The following TSPAN5 variants were observed in gnomAD, a reference collection of about 807,000 sequenced individuals.
The protein encoded by TSPAN5 is tetraspanin-5.
Under a neutral mutation model 37.1 loss-of-function variants are expected in TSPAN5, and 10 were observed. The observed-to-expected ratio is 0.27, with a 90% CI of 0.17 to 0.46. The LOEUF (loss-of-function observed/expected upper bound fraction) is 0.46. Among genes scored for constraint, TSPAN5 ranks in the 20% least tolerant of loss-of-function variants. The pLI is 1.00. For missense variants in TSPAN5, 195 were observed against 326.6 expected, an observed-to-expected ratio of 0.60 and a Z score of 3.11; for synonymous variants, 110 against 118.9, an observed-to-expected ratio of 0.93 and a Z score of 0.48.
intron 1 of TSPAN5, among the ~76,000 whole-genome samples, chr4:98,549,149 C>G (rs527613870): frequency 6.6e-6 from 1 of 152,134 alleles, no homozygotes; most frequent in Non-Finnish European, 1.5e-5. Context: ...GTTGTACTAA[C>G]GTATATTCCC....
intron 2 of TSPAN5, among the ~76,000 whole-genome samples, chr4:98,494,597 G>A (rs1753158179): frequency 6.6e-6 from 1 of 151,950 alleles, no homozygotes; most frequent in East Asian, 2.0e-4. Flanking sequence ...ACGATGTGAA[G>A]TGCTTCGAAT....
At chr4:98,515,490 T>C (rs551077324) in intron 1 of TSPAN5, among the ~76,000 whole-genome samples, 1 of 151,674 alleles carries the variant, frequency 6.6e-6, no homozygotes, top group African/African-American at 2.4e-5. Flanking sequence ...CAAGAAAATA[T>C]ACTAGTTCAC....
chr4:98,476,179 C>G lies in TSPAN5; in HGVS notation c.741+10G>C, dbSNP rs373344807. 494 of 1,605,418 alleles carry G rather than the reference C, an allele frequency of 3.1e-4. No individual in the cohort carries two copies. Among genetic ancestry groups the G allele is most frequent in the Non-Finnish European group, 4.1e-4 (481 of 1,172,256 alleles). ...TTCCCTGTGATATCCATAAAGGACC[C>G]TTATCTTACCTGCAGCAATGCAATG... On this transcript the variant is annotated intron_variant, in intron 7 of 7. Coordinates refer to ENST00000305798, the MANE Select transcript of TSPAN5 (RefSeq NM_005723.4).
chr4:98,561,125 G>A (rs1026381507), intron 1 of TSPAN5, among the ~76,000 whole-genome samples: 1 of 152,202 alleles, frequency 6.6e-6, no homozygotes, highest in Non-Finnish European at 1.5e-5. Context: ...GAAGTGGTAG[G>A]TGTCACTTCT....
At chr4:98,567,578 C>T (rs1166054247) in intron 1 of TSPAN5, among the ~76,000 whole-genome samples, 3 of 152,160 alleles carry the variant, frequency 2.0e-5, no homozygotes, top group African/African-American at 4.8e-5. Flanking sequence ...GATGTGGCTG[C>T]CTTGTTCAAA....
chr4:98,569,970 T>A (rs1375652181), intron 1 of TSPAN5, among the ~76,000 whole-genome samples: 1 of 152,186 alleles, frequency 6.6e-6, no homozygotes, highest in Non-Finnish European at 1.5e-5. Flanking sequence ...GGCAGAGAGG[T>A]CAATTTACTA....
chr4:98,496,099 G>A (rs1753206129), intron 2 of TSPAN5, among the ~76,000 whole-genome samples: 1 of 152,188 alleles, frequency 6.6e-6, no homozygotes, highest in African/African-American at 2.4e-5. Context: ...TCCCTAGTGA[G>A]AAAGGGTAAC....
chr4:98,533,962 A>AAAAAAAAAAAAAAAAAC (rs70955935), intron 1 of TSPAN5, among the ~76,000 whole-genome samples: 1 of 147,262 alleles, frequency 6.8e-6, no homozygotes, highest in African/African-American at 2.5e-5. Flanking sequence ...AAAAAAAAAA[A>AAAAAAAAAAAAAAAAAC]CCAGCTCCTG....
intron 1 of TSPAN5, among the ~76,000 whole-genome samples, chr4:98,518,788 T>TG (rs927962731): frequency 6.6e-6 from 1 of 152,134 alleles, no homozygotes; most frequent in Non-Finnish European, 1.5e-5. Context: ...TCAGAAACTC[T>TG]GGGGGCAGGG....
intron 1 of TSPAN5, among the ~76,000 whole-genome samples, chr4:98,546,146 G>GT (rs1754465368): frequency 6.6e-6 from 1 of 152,174 alleles, no homozygotes; most frequent in Admixed American, 6.5e-5. Context: ...ATTCAGAGAG[G>GT]TTAAGAAACT....
In TSPAN5 at chr4:98,548,642, C is replaced by T. The variant is rs546937289; in HGVS notation, c.82-40914G>A. On this transcript the variant is annotated intron_variant, in intron 1 of 7. Transcript: ENST00000305798. ...TCACCTAAATAGTAAACTTTCTACC[C>T]AATCATAATTTTTCAACCCTCACCT... Among the ~76,000 whole-genome samples, 23 of 152,150 alleles carry T rather than the reference C, an allele frequency of 1.5e-4. No homozygotes were observed. In the South Asian group the frequency reaches 2.5e-3, roughly 16 times the overall value.
At chr4:98,609,809 G>A (rs1756137674) in intron 1 of TSPAN5, among the ~76,000 whole-genome samples, 2 of 152,184 alleles carry the variant, frequency 1.3e-5, no homozygotes, top group South Asian at 4.1e-4. Context: ...GCAGGTCTGG[G>A]AGAGACCAGG....
chr4:98,616,868 A>ATTTTT (rs59868555), intron 1 of TSPAN5, among the ~76,000 whole-genome samples: 76,835 of 143,788 alleles, frequency 0.53, 21,584 homozygotes, highest in African/African-American at 0.71. Flanking sequence ...CTCCACGTAA[A>ATTTTT]TTTTTTTTTT....
At chr4:98,632,027 C>T (rs779994026) in intron 1 of TSPAN5, among the ~76,000 whole-genome samples, 34 of 152,186 alleles carry the variant, frequency 2.2e-4, no homozygotes, top group East Asian at 5.8e-4. Flanking sequence ...GCTAAACACA[C>T]GACTAAAACC....
At chr4:98,541,028 A>G (rs527752436) in intron 1 of TSPAN5, among the ~76,000 whole-genome samples, 1 of 152,188 alleles carries the variant, frequency 6.6e-6, no homozygotes, top group African/African-American at 2.4e-5. Flanking sequence ...TCCTGGTTCC[A>G]TTTCCTTCTA....
At chr4:98,605,605 A>T (rs1000026033) in intron 1 of TSPAN5, among the ~76,000 whole-genome samples, 3 of 152,210 alleles carry the variant, frequency 2.0e-5, no homozygotes, top group African/African-American at 7.2e-5. Flanking sequence ...CACTTATAAG[A>T]CTAATTTAAA....
intron 3 of TSPAN5, chr4:98,486,460 C>T: frequency 2.6e-6 from 1 of 378,302 alleles, no homozygotes. Context: ...TACCTTAGTC[C>T]TAAAGATATC....
intron 1 of TSPAN5, among the ~76,000 whole-genome samples, chr4:98,529,110 C>T (rs866779067): frequency 2.0e-5 from 3 of 152,180 alleles, no homozygotes; most frequent in African/African-American, 4.8e-5. Flanking sequence ...CTGTGTGGCA[C>T]GCTGTGATAC....
In TSPAN5 at chr4:98,499,314, T is replaced by G. The variant is rs559350595; in HGVS notation, c.132+8364A>C. On this transcript the variant is annotated intron_variant, in intron 2 of 7. Transcript: ENST00000305798. The stretch of plus-strand genomic sequence containing the variant: ...CAAGGGCCCATGTTCCCTTCCCTCC[T>G]CAGGGGCCAAGGCTGATGGGCTCGG... Among the ~76,000 whole-genome samples the G allele has an allele frequency of 3.6e-3, 543 of 152,348 alleles. 4 individuals are homozygous for G. Among genetic ancestry groups the G allele is most frequent in the African/African-American group, 0.012 (506 of 41,590 alleles).
Sources: gnomAD v4.1 joint callset for allele counts (sites outside exome capture counted in the v4.1 genomes callset) on GRCh38, gnomAD v4.1.1 for gene constraint, MANE v1.5 for transcripts, NCBI Gene and HGNC (gene_info 2026-07-23, HGNC 2026-07-21) for gene names.